CFAP97D1: variants seen among roughly 807,000 people sequenced by gnomAD.
CFAP97D1 encodes sperm axonemal maintenance protein CFAP97D1.
In CFAP97D1, 15 loss-of-function variants were observed where a neutral mutation model predicts 20.5. That is an observed-to-expected ratio of 0.73 (90% CI 0.49 to 1.13). The LOEUF is 1.13. CFAP97D1 is among the 50% of genes most tolerant of loss of function. CFAP97D1 has a pLI of 0.00. For synonymous variants in CFAP97D1, 58 were observed against 71.2 expected, an observed-to-expected ratio of 0.82 and a Z score of 0.93; for missense variants, 168 against 202.9, an observed-to-expected ratio of 0.83 and a Z score of 1.04.
chr17:43,780,686 T>C, intron 1 of CFAP97D1, 100 bp downstream of exon 1: 1 of 1,327,268 alleles, frequency 7.5e-7, no homozygotes. Flanking sequence ...AGCTTTGGGA[T>C]GATATGGCCT....
In CFAP97D1 at chr17:43,781,207, T is replaced by C; in HGVS notation, c.195+18T>C. On this transcript the variant is annotated intron_variant, in intron 2 of 5. Transcript: ENST00000449302. The stretch of plus-strand genomic sequence containing the variant: ...AACTACAGGTATTTGTTCTTGCTGC[T>C]TGCAGATGTGCAGATGTATTTTATT... 1 of 1,540,276 alleles carries C rather than the reference T, an allele frequency of 6.5e-7. No individual in the cohort carries two copies. Among genetic ancestry groups the C allele is most frequent in the Non-Finnish European group, 8.8e-7 (1 of 1,136,956 alleles).
intron 4 of CFAP97D1, 128 bp from the exon 5 acceptor site, chr17:43,783,709 G>A: frequency 1.4e-6 from 1 of 709,650 alleles, no homozygotes; most frequent in South Asian, 1.8e-5. Flanking sequence ...ACCATCTGTG[G>A]TGTTTTAAAA....
At chr17:43,781,525 G>T (rs1320991061) in intron 2 of CFAP97D1, among the ~76,000 whole-genome samples, 1 of 152,072 alleles carries the variant, frequency 6.6e-6, no homozygotes, top group African/African-American at 2.4e-5. Context: ...AGAGACAGGG[G>T]TTCACCATGT....
At chr17:43,783,739 T>C in intron 4 of CFAP97D1, 98 bp from the exon 5 acceptor site, 1 of 919,442 alleles carries the variant, frequency 1.1e-6, no homozygotes, top group Non-Finnish European at 1.7e-6. Flanking sequence ...TTACCGACTT[T>C]GGTCTTTAAA....
Position 43,786,491 on chromosome 17 carries a change from C to T in CFAP97D1, c.*2109C>T, listed in dbSNP as rs1330941663. On this transcript the variant is annotated 3_prime_UTR_variant, in exon 6 of 6. Coordinates refer to ENST00000449302, the MANE Select transcript of CFAP97D1 (RefSeq NM_001136483.3). ...ATCTTGCGTAACTGGAGTACAATAT[C>T]AAAACCAGGAAACTGACATTGGCAT... 1 of 152,242 alleles carries T rather than the reference C, an allele frequency of 6.6e-6. No homozygotes were observed. Among genetic ancestry groups the T allele is most frequent in the Non-Finnish European group, 1.5e-5 (1 of 68,066 alleles). 9.4% of individuals were successfully genotyped at this position (152,242 alleles called of 1,614,324 possible).
intron 2 of CFAP97D1, 51 bp from the exon 3 acceptor site, chr17:43,781,723 T>C: frequency 8.7e-7 from 1 of 1,155,296 alleles, no homozygotes; most frequent in Non-Finnish European, 1.3e-6. Context: ...CATTGTGTGT[T>C]GGGGCAGTGC....
rs1244535005 is a variant in CFAP97D1 at position 43,783,999 on chromosome 17, C to T, written c.*106C>T. 7 of 811,770 alleles carry T rather than the reference C, an allele frequency of 8.6e-6. No individual in the cohort carries two copies. In the East Asian group the frequency reaches 1.6e-4, roughly 19 times the overall value. 50.3% of individuals were successfully genotyped at this position (811,770 alleles called of 1,614,324 possible). ...CCCAGTTAAGGAGACGGATTTTGCTCTTCTCATATAATATTGACTAGTCTT... is the reference window on the plus strand; with the variant it reads ...CCCAGTTAAGGAGACGGATTTTGCTTTTCTCATATAATATTGACTAGTCTT... On this transcript the variant is annotated intron_variant, in intron 5 of 5. Transcript: ENST00000449302.
chr17:43,785,649 T>C lies in CFAP97D1; in HGVS notation c.*1267T>C, dbSNP rs576092366. ...CATCTTGGCCAGGCTGGTCTTGAACTCCTGACCTCGTGATCCGCCCGCCTC... is the reference window on the plus strand; with the variant it reads ...CATCTTGGCCAGGCTGGTCTTGAACCCCTGACCTCGTGATCCGCCCGCCTC... On this transcript the variant is annotated 3_prime_UTR_variant, in exon 6 of 6. Coordinates refer to ENST00000449302, the MANE Select transcript of CFAP97D1 (RefSeq NM_001136483.3). 1 of 152,330 alleles carries C rather than the reference T, an allele frequency of 6.6e-6. No individual in the cohort carries two copies. Among genetic ancestry groups the C allele is most frequent in the East Asian group, 1.9e-4 (1 of 5,182 alleles). 9.4% of individuals were successfully genotyped at this position (152,330 alleles called of 1,614,324 possible). A position where few individuals can be genotyped will look rare whatever the true frequency, so the allele number is the denominator to read the frequency against.
chr17:43,781,260 T>A (rs762340931), intron 2 of CFAP97D1, 71 bp downstream of exon 2: 2 of 1,278,398 alleles, frequency 1.6e-6, no homozygotes, highest in Non-Finnish European at 2.2e-6. Context: ...CTAAAGAGGT[T>A]CAATTTCCCA....
At chr17:43,783,396 G>C (rs1363502484) in intron 4 of CFAP97D1, 93 bp downstream of exon 4, 44 of 1,435,520 alleles carry the variant, frequency 3.1e-5, no homozygotes, top group Non-Finnish European at 3.9e-5. Flanking sequence ...TGAACAGCTA[G>C]AGTCAGATCA....
At chr17:43,783,931 T>G in intron 5 of CFAP97D1, 38 bp downstream of exon 5, 1 of 1,493,926 alleles carries the variant, frequency 6.7e-7, no homozygotes, top group Non-Finnish European at 9.1e-7. Context: ...TGACCACAGC[T>G]GATACCAAAG....
In CFAP97D1 at chr17:43,783,179, G is replaced by A; in HGVS notation, c.315-1G>A. 6.4e-7 allele frequency: 1 copy of A among 1,551,544 alleles called. No individual in the cohort carries two copies. Among genetic ancestry groups the A allele is most frequent in the African/African-American group, 1.4e-5 (1 of 73,108 alleles). ...CCATTTCGGGGTTTTGTGTTTTTCA[G>A]CTTAAACAGAGAAACAAGGAACCGC... On this transcript the variant is annotated splice_acceptor_variant, in intron 3 of 5. Transcript: ENST00000449302. LOFTEE classifies it high-confidence loss of function.
intron 3 of CFAP97D1, chr17:43,782,955 G>A: frequency 1.8e-6 from 1 of 546,944 alleles, no homozygotes; most frequent in South Asian, 2.2e-5. Context: ...ATCTTCTCAT[G>A]GGCAACAGGG....
In CFAP97D1 at chr17:43,787,341, G is replaced by C. The variant is rs1057101292; in HGVS notation, c.*2959G>C. ...AAGTCCTTTGCCTGCTATGCGCCTT[G>C]CATGTATTTTTCTCCCAGTCTATAA... is the stretch of plus-strand genomic sequence containing the variant. On this transcript the variant is annotated 3_prime_UTR_variant, in exon 6 of 6. Coordinates refer to ENST00000449302, the MANE Select transcript of CFAP97D1 (RefSeq NM_001136483.3). The C allele has an allele frequency of 3.9e-5, 6 of 152,146 alleles. No individual in the cohort carries two copies. The highest frequency in any genetic ancestry group is 1.4e-4 in the African/African-American group (6 of 41,420). 9.4% of individuals were successfully genotyped at this position (152,146 alleles called of 1,614,324 possible).
At position 43,780,471 on chromosome 17, in the gene CFAP97D1, T is replaced by G. The variant is rs1289152644; in HGVS notation, c.9T>G (p.Asn3Lys). ...GAGACTAGGAAGAGAAGATGAACAA[T>G]TCCCTGGATTATCTGGCCTACCCTG... The part of the protein sequence containing the change: MN[N>K]SLDYLAYPVI... The change falls in exon 1 of 6, where the codon AAT becomes AAG. Residue 3 changes from asparagine to lysine, a missense_variant. Asn to Lys is a moderately conservative substitution (Grantham distance 94, BLOSUM62 0). Coordinates refer to ENST00000449302, the MANE Select transcript of CFAP97D1 (RefSeq NM_001136483.3). 6.4e-7 allele frequency: 1 copy of G among 1,551,642 alleles called. No individual in the cohort carries two copies. The highest frequency in any genetic ancestry group is 1.2e-5 in the South Asian group (1 of 84,054).
Position 43,784,820 on chromosome 17 carries a change from C to A in CFAP97D1, c.*438C>A, listed in dbSNP as rs890739808. On this transcript the variant is annotated 3_prime_UTR_variant, in exon 6 of 6. Transcript: ENST00000449302. ...TGCCATTAGTTCCTCTGTGAATACA[C>A]ACGATCGGAAAAGAATGCCTCATTG... 1 of 152,154 alleles carries A rather than the reference C, an allele frequency of 6.6e-6. No homozygotes were observed. The highest frequency in any genetic ancestry group is 1.5e-5 in the Non-Finnish European group (1 of 68,042). The allele number at this position is 152,154 out of a possible 1,614,324, so 9.4% of individuals were successfully genotyped here. A position where few individuals can be genotyped will look rare whatever the true frequency, so the allele number is the denominator to read the frequency against.
rs1217769253 is a variant in CFAP97D1, at chr17:43,781,123, G to A, written c.129G>A (p.Lys43=). 6.4e-7 allele frequency: 1 copy of A among 1,550,888 alleles called. No individual in the cohort carries two copies. The highest frequency in any genetic ancestry group is 8.7e-7 in the Non-Finnish European group (1 of 1,146,462). The change falls in exon 2 of 6, where the codon AAG becomes AAA. Residue 43 remains lysine, a synonymous_variant. Transcript: ENST00000449302. ...CCTTTTATCCCCCTTCTCTAGCGAA[G>A]CCTACTGTTGATACCAAACCTCCAG... ...VSHKNRIQIA[K]PTVDTKPPVA... is the part of the protein sequence containing the mutation.
chr17:43,783,618 A>C (rs1974497109), intron 4 of CFAP97D1, among the ~76,000 whole-genome samples: 1 of 151,562 alleles, frequency 6.6e-6, no homozygotes, highest in African/African-American at 2.4e-5. Context: ...ATGTACAGGG[A>C]TGAAGGGTAT....
In CFAP97D1 at chr17:43,786,459, T is replaced by C. The variant is rs1345042495; in HGVS notation, c.*2077T>C. 1.3e-5 allele frequency: 2 copies of C among 152,220 alleles called. No individual in the cohort carries two copies. Among genetic ancestry groups the C allele is most frequent in the African/African-American group, 4.8e-5 (2 of 41,458 alleles). The allele number at this position is 152,220 out of a possible 1,614,324, so 9.4% of individuals were successfully genotyped here. ...GCACCCTTTACCCAGTCTCCACCAA[T>C]GTTAGCATCTTGCGTAACTGGAGTA... is the stretch of plus-strand genomic sequence containing the variant. On this transcript the variant is annotated 3_prime_UTR_variant, in exon 6 of 6. Coordinates refer to ENST00000449302, the MANE Select transcript of CFAP97D1 (RefSeq NM_001136483.3).
Sources: allele counts gnomAD v4.1 joint callset (sites outside exome capture counted in the v4.1 genomes callset), GRCh38; gene constraint gnomAD v4.1.1; transcripts MANE v1.5; gene names NCBI Gene and HGNC (gene_info 2026-07-23, HGNC 2026-07-21).